The following KCP variants were observed in gnomAD, a reference collection of about 807,000 sequenced individuals.
KCP encodes kielin/chordin-like protein.
Under a neutral mutation model 212.7 loss-of-function variants are expected in KCP, and 194 were observed. That is an observed-to-expected ratio of 0.91 (90% confidence interval 0.81 to 1.03). KCP has a LOEUF of 1.03. Ranked by LOEUF, KCP falls within the 50% of genes least tolerant of loss-of-function variation. KCP has a pLI of 0.00. For missense variants in KCP, 2,080 were observed against 2,162.5 expected, an observed-to-expected ratio of 0.96 and a Z score of 0.76; for synonymous variants, 833 against 865.3, an observed-to-expected ratio of 0.96 and a Z score of 0.65.
Position 128,893,991 on chromosome 7 carries a change from C to T in KCP, c.990G>A (p.Ser330=), listed in dbSNP as rs1468054953. 17 of 1,549,938 alleles carry T rather than the reference C, an allele frequency of 1.1e-5. No homozygotes were observed. Among genetic ancestry groups the T allele is most frequent in the Middle Eastern group, 1.7e-4 (1 of 5,938 alleles). ...CCACACTCACAGCACAGCGGCAGTG[C>T]GAGCAGGGGTCCCCTGAGCCCACAG... The part of the protein sequence containing the change: ...GEPVGSGDPC[S]HCRCANGSVQ... Residue 330 remains serine, a synonymous_variant, in exon 10 of 40, where the codon TCG becomes TCA. Coordinates refer to ENST00000610776, the MANE Select transcript of KCP (RefSeq NM_001366122.1).
chr7:128,892,108 T>A (rs750425484), intron 16 of KCP, among the ~76,000 whole-genome samples: 3 of 151,908 alleles, frequency 2.0e-5, no homozygotes, highest in Non-Finnish European at 4.4e-5. Context: ...TCACACAGAC[T>A]CTCTATGCGG....
intron 21 of KCP, 124 bp downstream of exon 21, chr7:128,890,219 C>T: frequency 1.3e-6 from 2 of 1,528,780 alleles, no homozygotes; most frequent in Non-Finnish European, 1.8e-6. Flanking sequence ...GGCTCCCAGC[C>T]TCGGGGCTTT....
At position 128,877,660 on chromosome 7, in the gene KCP, C is replaced by G. The variant is rs1585188268; in HGVS notation, c.4442G>C (p.Ser1481Thr). Residue 1481 changes from serine to threonine, a missense_variant, in exon 39 of 40, where the codon AGT becomes ACT. Transcript: ENST00000610776. ...RCGVLKSSPF[S>T]RCHAVVPPEP... ...CGGTGGCACCACAGCATGGCAGCGA[C>G]TGAATGGGGAGGACTTCAGCACCCC... is the stretch of plus-strand genomic sequence containing the variant. The G allele has an allele frequency of 1.3e-6, 2 of 1,551,588 alleles. No individual in the cohort carries two copies. The highest frequency in any genetic ancestry group is 4.9e-5 in the East Asian group (2 of 40,924).
intron 7 of KCP, 41 bp downstream of exon 7, chr7:128,903,686 C>T (rs2128950070): frequency 6.8e-7 from 1 of 1,469,658 alleles, no homozygotes. Flanking sequence ...GGCACGACAA[C>T]CTACCTGTGG....
intron 11 of KCP, 87 bp from the exon 12 acceptor site, chr7:128,893,563 T>C: frequency 1.8e-6 from 2 of 1,128,888 alleles, no homozygotes; most frequent in East Asian, 2.6e-5. Flanking sequence ...ACCCCCACCC[T>C]GACAAAGAAG....
At chr7:128,884,533 G>A (rs562518661) in intron 28 of KCP, among the ~76,000 whole-genome samples, 1 of 152,104 alleles carries the variant, frequency 6.6e-6, no homozygotes, top group African/African-American at 2.4e-5. Context: ...ATACACACCC[G>A]CCCTGCACTG....
chr7:128,903,792 T>C lies in KCP; in HGVS notation c.683A>G (p.Lys228Arg). 1.3e-6 allele frequency: 2 copies of C among 1,551,132 alleles called. No individual in the cohort carries two copies. Among genetic ancestry groups the C allele is most frequent in the Non-Finnish European group, 1.7e-6 (2 of 1,146,846 alleles). ...LRSRVRCMAL[K>R]CPPSPCPEPV... is the part of the protein sequence containing the mutation. ...CTCTGGGCAGGGGCTAGGCGGGCAC[T>C]TCAGGGCCATGCAGCGAACTCGGCT... Residue 228 changes from lysine (K) to arginine (R), a missense_variant, in exon 7 of 40, where the codon AAG (lysine) becomes AGG (arginine). Physicochemically the swap from Lys to Arg is conservative, Grantham distance 26 (BLOSUM62 2). Coordinates refer to ENST00000610776, the MANE Select transcript of KCP (RefSeq NM_001366122.1).
chr7:128,887,782 TACACGCACCCAC>T (rs1793765215), intron 22 of KCP, among the ~76,000 whole-genome samples: 1 of 115,972 alleles, frequency 8.6e-6, no homozygotes, highest in African/African-American at 3.3e-5. Context: ...CACACACACA[TACACGCACCCAC>T]ATACACACAT....
At chr7:128,900,038 A>G (rs2128949438) in intron 8 of KCP, among the ~76,000 whole-genome samples, 1 of 152,200 alleles carries the variant, frequency 6.6e-6, no homozygotes, top group East Asian at 1.9e-4. Context: ...AGAGGAATTT[A>G]CTCAACTCAT....
chr7:128,896,202 C>G (rs1794511343), intron 8 of KCP, among the ~76,000 whole-genome samples: 1 of 152,184 alleles, frequency 6.6e-6, no homozygotes, highest in African/African-American at 2.4e-5. Flanking sequence ...AGGAAATAGG[C>G]TGCAGCACTG....
At chr7:128,892,209 C>T (rs1254391148) in intron 16 of KCP, among the ~76,000 whole-genome samples, 1 of 128,912 alleles carries the variant, frequency 7.8e-6, no homozygotes, top group Non-Finnish European at 1.6e-5. Context: ...CAGGTAGATA[C>T]ATGGGTTTAC....
chr7:128,886,820 G>T (rs939490045), intron 24 of KCP, 56 bp downstream of exon 24: 2 of 1,417,024 alleles, frequency 1.4e-6, no homozygotes, highest in African/African-American at 1.4e-5. Flanking sequence ...AGGAAGGGAA[G>T]GGGGAGGGAG....
chr7:128,886,015 ATGG>A (rs1793624736), intron 26 of KCP, among the ~76,000 whole-genome samples: 1 of 151,908 alleles, frequency 6.6e-6, no homozygotes, highest in African/African-American at 2.4e-5. Context: ...GATGATGATG[ATGG>A]TGGTGATGAT....
chr7:128,890,793 A>G (rs1489864888), intron 20 of KCP, 112 bp downstream of exon 20: 2 of 980,784 alleles, frequency 2.0e-6, no homozygotes, highest in South Asian at 2.2e-5. Context: ...TCCTAACAAG[A>G]TCCCCGACGT....
Position 128,881,666 on chromosome 7 carries a change from C to T in KCP, c.3384G>A (p.Glu1128=), listed in dbSNP as rs1334738206. The T allele has an allele frequency of 2.0e-6, 3 of 1,515,190 alleles. No individual in the cohort carries two copies. Among genetic ancestry groups the T allele is most frequent in the Non-Finnish European group, 2.6e-6 (3 of 1,137,812 alleles). The allele number at this position is 1,515,190 out of a possible 1,614,324, so 93.9% of individuals were successfully genotyped here. Residue 1128 remains glutamate, a synonymous_variant, in exon 31 of 40, where the codon GAG becomes GAA. Coordinates refer to ENST00000610776, the MANE Select transcript of KCP (RefSeq NM_001366122.1). The part of the protein sequence containing the change: ...ACPELSCPLS[E]RHTPPGSCCP... Reference sequence around the variant, plus strand: ...AGCAGCTCCCAGGGGGAGTGTGGCGCTCTGAGAGGGGACAGCTGAGCTCAG... The same window carrying T: ...AGCAGCTCCCAGGGGGAGTGTGGCGTTCTGAGAGGGGACAGCTGAGCTCAG...
rs562516287 is a variant in KCP at position 128,886,915 on chromosome 7, G to C, written c.2650C>G (p.His884Asp). The stretch of plus-strand genomic sequence containing the variant: ...CAGAAGCAGGGGCCTGGAGAGGGGT[G>C]GGGGCAGAGAGCTGGGGGACATGGC... ...KKPCPPALCP[H>D]PSPGPCFCPV... The change falls in exon 24 of 40, where the codon CAC (histidine) becomes GAC (aspartate). Residue 884 changes from histidine to aspartate, a missense_variant. His to Asp is a moderately conservative substitution (Grantham distance 81). Coordinates refer to ENST00000610776, the MANE Select transcript of KCP (RefSeq NM_001366122.1). The C allele has an allele frequency of 8.9e-5, 137 of 1,531,886 alleles. 2 individuals are homozygous for C. In the South Asian group the frequency reaches 1.6e-3, roughly 18 times the overall value. 94.9% of individuals were successfully genotyped at this position (1,531,886 alleles called of 1,614,324 possible).
rs1441455761 is a variant in KCP at position 128,892,612 on chromosome 7, G to T, written c.1528-5C>A. On this transcript the variant is annotated splice_region_variant and splice_polypyrimidine_tract_variant and intron_variant, in intron 15 of 39. Transcript: ENST00000610776. ...GGAGCATGTCACAGTTCCATCCTGC[G>T]AGAGAGCAGGGGAGAGAGCAATCGG... The T allele has an allele frequency of 3.9e-6, 6 of 1,550,722 alleles. No homozygotes were observed. The highest frequency in any genetic ancestry group is 5.2e-6 in the Non-Finnish European group (6 of 1,146,276).
chr7:128,884,069 G>T lies in KCP; in HGVS notation c.3177C>A (p.Ser1059Arg). ...GCTGGCTGGGGGGGCAGCCCACCAG[G>T]CTGGGACACTGCCGCCGGTGACAGC... ...SLRCHRRQCP[S>R]LVGCPPSQLL... Residue 1059 changes from serine to arginine, a missense_variant, in exon 29 of 40, where the codon AGC becomes AGA. By Grantham distance (110) the Ser-to-Arg change is moderately radical (BLOSUM62 -1). Transcript: ENST00000610776. 6.5e-7 allele frequency: 1 copy of T among 1,543,990 alleles called. No homozygotes were observed. Among genetic ancestry groups the T allele is most frequent in the Non-Finnish European group, 8.7e-7 (1 of 1,145,126 alleles).
chr7:128,895,254 C>T (rs1372206370), intron 8 of KCP, among the ~76,000 whole-genome samples: 2 of 152,088 alleles, frequency 1.3e-5, no homozygotes, highest in Admixed American at 6.5e-5. Context: ...TCAGTTTACT[C>T]GTCTGAAAAA....
Sources: gnomAD v4.1 joint callset for allele counts (sites outside exome capture counted in the v4.1 genomes callset) on GRCh38, gnomAD v4.1.1 for gene constraint, MANE v1.5 for transcripts, NCBI Gene and HGNC (gene_info 2026-07-23, HGNC 2026-07-21) for gene names.